STARD3: variants seen among roughly 807,000 people sequenced by gnomAD.
STARD3 encodes StAR related lipid transfer domain containing 3.
In STARD3, 39 loss-of-function variants were observed where a neutral mutation model predicts 62.0. The observed-to-expected ratio is 0.63, with a 90% CI of 0.49 to 0.82. The LOEUF is 0.82. Ranked by LOEUF, STARD3 falls within the 40% of genes least tolerant of loss-of-function variation. STARD3 has a pLI of 0.00. For synonymous variants in STARD3, 229 were observed against 242.4 expected, an observed-to-expected ratio of 0.94 and a Z score of 0.51; for missense variants, 543 against 584.5, an observed-to-expected ratio of 0.93 and a Z score of 0.73.
rs943554243 is a variant in STARD3 at position 39,657,738 on chromosome 17, A to G, written c.298-37A>G. The G allele has an allele frequency of 1.9e-6, 3 of 1,611,846 alleles. No individual in the cohort carries two copies. The African/African-American group carries it at 4.0e-5, about 22-fold the overall frequency. On this transcript the variant is annotated intron_variant, in intron 3 of 14. Transcript: ENST00000336308. Reference sequence around the variant, plus strand: ...AGCCTGCAGCAGGGTGGGGGGCAGTAGCTTCCTGTGACTGCCTTGCTCCCG... The same window carrying G: ...AGCCTGCAGCAGGGTGGGGGGCAGTGGCTTCCTGTGACTGCCTTGCTCCCG...
At chr17:39,643,278 C>T (rs1418253121) in intron 1 of STARD3, among the ~76,000 whole-genome samples, 1 of 152,108 alleles carries the variant, frequency 6.6e-6, no homozygotes, top group African/African-American at 2.4e-5. Context: ...GACACACTGT[C>T]CCCCAGCTAG....
At chr17:39,657,668 A>T in intron 3 of STARD3, 107 bp from the exon 4 acceptor site, 1 of 1,179,358 alleles carries the variant, frequency 8.5e-7, no homozygotes, top group Non-Finnish European at 1.3e-6. Context: ...TGAGGTGTGC[A>T]TGCCCATAGG....
At position 39,660,320 on chromosome 17, in the gene STARD3, G is replaced by C. The variant is rs771122204; in HGVS notation, c.858+47G>C. The C allele has an allele frequency of 1.2e-6, 2 of 1,613,224 alleles. No individual in the cohort carries two copies. Among genetic ancestry groups the C allele is most frequent in the Non-Finnish European group, 8.5e-7 (1 of 1,179,498 alleles). ...CCTGGAGCCCCAGACAGCACAGGAG[G>C]CTCCAGGAAGGTGCCGAGGGGCCCT... On this transcript the variant is annotated intron_variant, in intron 10 of 14. Transcript: ENST00000336308. This position sits in a 1 kb window ranked among gnomAD's most constrained non-coding sequence, Gnocchi z 4.8.
intron 2 of STARD3, among the ~76,000 whole-genome samples, chr17:39,654,194 A>G (rs2057105377): frequency 6.6e-6 from 1 of 152,134 alleles, no homozygotes; most frequent in Non-Finnish European, 1.5e-5. Context: ...TCATTCATTC[A>G]TTCAGCAAAC....
At chr17:39,659,409 G>C (rs1342088206) in intron 8 of STARD3, 52 bp from the exon 9 acceptor site, 1 of 1,548,138 alleles carries the variant, frequency 6.5e-7, no homozygotes, top group African/African-American at 1.4e-5. Context: ...CCACGAACAT[G>C]GTGGACTGCA....
Position 39,662,897 on chromosome 17 carries a change from G to A in STARD3, c.1327G>A (p.Ala443Thr), listed in dbSNP as rs139221372. Residue 443 changes from alanine to threonine, a missense_variant, in exon 15 of 15, where the codon GCC becomes ACC. Coordinates refer to ENST00000336308, the MANE Select transcript of STARD3 (RefSeq NM_006804.4). ...GCGACAGCGCATCAGCGAGCTGGGG[G>A]CCCGGGCGTGACTGTGCCCCCTCCC... ...HLRQRISELG[A>T]RA The A allele has an allele frequency of 1.2e-6, 2 of 1,611,354 alleles. No homozygotes were observed. The highest frequency in any genetic ancestry group is 1.1e-5 in the South Asian group (1 of 90,792).
At chr17:39,648,151 G>A (rs1287102118) in intron 1 of STARD3, among the ~76,000 whole-genome samples, 1 of 152,186 alleles carries the variant, frequency 6.6e-6, no homozygotes, top group African/African-American at 2.4e-5. Context: ...CAGGCGTGGT[G>A]GTGGGCGCCT....
At chr17:39,648,462 C>T (rs1300909636) in intron 1 of STARD3, among the ~76,000 whole-genome samples, 2 of 152,060 alleles carry the variant, frequency 1.3e-5, no homozygotes, top group Non-Finnish European at 2.9e-5. Flanking sequence ...GTGAGATCCT[C>T]TCTTTAAAAA....
At position 39,660,329 on chromosome 17, in the gene STARD3, A is replaced by G. The variant is rs1183887166; in HGVS notation, c.858+56A>G. 6 of 1,612,528 alleles carry G rather than the reference A, an allele frequency of 3.7e-6. No individual in the cohort carries two copies. The East Asian group carries it at 8.9e-5, about 24-fold the overall frequency. On this transcript the variant is annotated intron_variant, in intron 10 of 14. Coordinates refer to ENST00000336308, the MANE Select transcript of STARD3 (RefSeq NM_006804.4). The surrounding 1 kb of genome is among the most constrained non-coding windows in gnomAD (Gnocchi z 4.8). The stretch of plus-strand genomic sequence containing the variant: ...CCAGACAGCACAGGAGGCTCCAGGA[A>G]GGTGCCGAGGGGCCCTCTGGTGGGT...
At chr17:39,661,246 A>G (rs1375956594) in intron 13 of STARD3, 161 bp downstream of exon 13, 10 of 648,134 alleles carry the variant, frequency 1.5e-5, no homozygotes, top group Non-Finnish European at 2.7e-5. Context: ...TAATCCTGCT[A>G]ATCTTGCTGC....
At chr17:39,662,207 C>T in intron 13 of STARD3, 44 bp from the exon 14 acceptor site, 1 of 1,576,586 alleles carries the variant, frequency 6.3e-7, no homozygotes, top group Non-Finnish European at 8.7e-7. Flanking sequence ...GTGTCAGGGC[C>T]TCACTCTGTT....
In STARD3 at chr17:39,659,514, C is replaced by T. The variant is rs776281132; in HGVS notation, c.756C>T (p.Ile252=). The stretch of plus-strand genomic sequence containing the variant: ...AGGCCACGGCAGTGGTGGACCAGAT[C>T]TTGGCCCAGGAAGAGAACTGGAAGT... The part of the protein sequence containing the change: ...GKEATAVVDQ[I]LAQEENWKFE... Residue 252 remains isoleucine, a synonymous_variant, in exon 9 of 15, where the codon ATC becomes ATT. Transcript: ENST00000336308. The T allele has an allele frequency of 1.2e-6, 2 of 1,614,168 alleles. No homozygotes were observed. Among genetic ancestry groups the T allele is most frequent in the East Asian group, 4.5e-5 (2 of 44,886 alleles).
chr17:39,642,891 C>T (rs139670950), intron 1 of STARD3, among the ~76,000 whole-genome samples: 90 of 152,026 alleles, frequency 5.9e-4, no homozygotes, highest in Non-Finnish European at 8.8e-4. Context: ...TTGATGTGTC[C>T]GTGGACAGCG....
intron 1 of STARD3, among the ~76,000 whole-genome samples, chr17:39,649,596 G>A (rs754855740): frequency 6.6e-6 from 1 of 152,220 alleles, no homozygotes; most frequent in Non-Finnish European, 1.5e-5. Flanking sequence ...GCTGAGCGTG[G>A]TAGCTCACGC....
chr17:39,647,044 A>G (rs1157986490), intron 1 of STARD3, among the ~76,000 whole-genome samples: 1 of 152,000 alleles, frequency 6.6e-6, no homozygotes, highest in Non-Finnish European at 1.5e-5. Context: ...TACTAAAAAT[A>G]CATAAATAGG....
intron 9 of STARD3, chr17:39,659,826 C>T (rs952565159): frequency 8.4e-6 from 4 of 476,558 alleles, no homozygotes; most frequent in African/African-American, 7.9e-5. Flanking sequence ...CAGGCTTCTG[C>T]TCTGCATCCG....
intron 1 of STARD3, among the ~76,000 whole-genome samples, chr17:39,649,742 T>C (rs2057058807): frequency 6.6e-6 from 1 of 151,890 alleles, no homozygotes; most frequent in Admixed American, 6.6e-5. Flanking sequence ...GGCACGTGCC[T>C]GTAATCCAGG....
intron 5 of STARD3, 115 bp from the exon 6 acceptor site, chr17:39,658,290 C>A: frequency 1.0e-6 from 1 of 992,678 alleles, no homozygotes; most frequent in East Asian, 2.5e-5. Context: ...TCCCAAGCAG[C>A]TGCTACCAGG....
Position 39,659,725 on chromosome 17 carries a change from C to T in STARD3, c.795+172C>T, listed in dbSNP as rs1402428840. 1.2e-5 allele frequency: 7 copies of T among 602,450 alleles called. No individual in the cohort carries two copies. In the Admixed American group the frequency reaches 2.2e-4, roughly 19 times the overall value. The allele number at this position is 602,450 out of a possible 1,614,324, so 37.3% of individuals were successfully genotyped here. A position where few individuals can be genotyped will look rare whatever the true frequency, so the allele number is the denominator to read the frequency against. Reference sequence around the variant, plus strand: ...GGAGGCTGGGCTGGATTGGACGTTTCCCCCGTGCCCCTTGGCCCCCCTTCC... The same window carrying T: ...GGAGGCTGGGCTGGATTGGACGTTTTCCCCGTGCCCCTTGGCCCCCCTTCC... On this transcript the variant is annotated intron_variant, in intron 9 of 14. Transcript: ENST00000336308.
Sources: gnomAD v4.1 joint callset for allele counts (sites outside exome capture counted in the v4.1 genomes callset) on GRCh38, gnomAD v4.1.1 for gene constraint, Gnocchi (gnomAD v3.1) non-coding constraint, MANE v1.5 for transcripts, NCBI Gene and HGNC (gene_info 2026-07-23, HGNC 2026-07-21) for gene names.